ZYG11A: variants seen among roughly 807,000 people sequenced by gnomAD.
The protein encoded by ZYG11A is protein zyg-11 homolog A.
ZYG11A carries 62 observed loss-of-function variants against 77.2 expected under a neutral mutation model. The ratio of observed to expected loss-of-function variants is 0.80; its 90% CI spans 0.65 to 0.99. ZYG11A has a LOEUF of 0.99. Among genes scored for constraint, ZYG11A ranks in the 50% least tolerant of loss-of-function variants. ZYG11A has a pLI of 0.00. For synonymous variants in ZYG11A, 315 were observed against 324.6 expected, an observed-to-expected ratio of 0.97 and a Z score of 0.32; for missense variants, 828 against 896.8, an observed-to-expected ratio of 0.92 and a Z score of 0.98.
intron 4 of ZYG11A, among the ~76,000 whole-genome samples, chr1:52,862,597 C>T (rs1420612509): frequency 6.6e-6 from 1 of 152,104 alleles, no homozygotes; most frequent in Non-Finnish European, 1.5e-5. Context: ...CAGGCGTGAG[C>T]CACTGCGCCC....
intron 1 of ZYG11A, among the ~76,000 whole-genome samples, chr1:52,846,330 A>T (rs1169382058): frequency 0.042 from 405 of 9,572 alleles, 22 homozygotes; most frequent in African/African-American, 0.17. Context: ...ATATATATAT[A>T]TATATATATA....
At chr1:52,886,699 ATTTTTTTTTTT>A (rs386366962) in intron 12 of ZYG11A, among the ~76,000 whole-genome samples, 1,038 of 69,144 alleles carry the variant, frequency 0.015, 22 homozygotes, top group African/African-American at 0.062. Context: ...GGCCCAGCTA[ATTTTTTTTTTT>A]TTTTTTTTTT....
chr1:52,867,674 C>G (rs1392308167), intron 7 of ZYG11A, 36 bp downstream of exon 7: 2 of 1,550,028 alleles, frequency 1.3e-6, no homozygotes, highest in Non-Finnish European at 1.7e-6. Flanking sequence ...GTCTATCTCT[C>G]TAGTTTTTAT....
chr1:52,888,861 G>A (rs960243753), intron 13 of ZYG11A, among the ~76,000 whole-genome samples: 4 of 152,144 alleles, frequency 2.6e-5, no homozygotes, highest in Non-Finnish European at 5.9e-5. Flanking sequence ...TGGTTTTTAG[G>A]AGCTTGCACA....
chr1:52,847,672 T>C (rs1423338108), intron 1 of ZYG11A, among the ~76,000 whole-genome samples: 3 of 150,844 alleles, frequency 2.0e-5, no homozygotes, highest in Non-Finnish European at 4.4e-5. Flanking sequence ...GTACTTTGTT[T>C]TTTTTTTTTT....
At chr1:52,863,332 ATTC>A (rs1299910077) in intron 4 of ZYG11A, among the ~76,000 whole-genome samples, 1 of 151,934 alleles carries the variant, frequency 6.6e-6, no homozygotes, top group Non-Finnish European at 1.5e-5. Context: ...CATTTTTCAA[ATTC>A]TTCTCCTCTG....
intron 1 of ZYG11A, among the ~76,000 whole-genome samples, chr1:52,849,125 G>A (rs749777196): frequency 1.3e-5 from 2 of 151,786 alleles, no homozygotes; most frequent in Admixed American, 6.6e-5. Flanking sequence ...ATGCAGTGGC[G>A]TGATCTCACC....
chr1:52,867,215 C>G (rs563547147), intron 6 of ZYG11A, among the ~76,000 whole-genome samples: 16 of 152,222 alleles, frequency 1.1e-4, no homozygotes, highest in Admixed American at 2.6e-4. Context: ...GTCTACTACT[C>G]AGATTACAAA....
chr1:52,856,077 A>T (rs1245971417), intron 2 of ZYG11A, among the ~76,000 whole-genome samples: 1 of 152,154 alleles, frequency 6.6e-6, no homozygotes, highest in African/African-American at 2.4e-5. Flanking sequence ...CATTCCCATC[A>T]GCAGTGTCCA....
rs1263922913 is a variant in ZYG11A, at chr1:52,867,528, CT to C, written c.1392-10del. ...TATATAATTGTGAGAAAAATAAATA[CT>C]GCTTTTCAGGTTTGATGCTGCCAAG... On this transcript the variant is annotated splice_polypyrimidine_tract_variant and intron_variant, in intron 6 of 13. Transcript: ENST00000371528. The C allele has an allele frequency of 4.6e-6, 7 of 1,529,468 alleles. No individual in the cohort carries two copies. The highest frequency in any genetic ancestry group is 1.4e-5 in the African/African-American group (1 of 72,570). The allele number at this position is 1,529,468 out of a possible 1,614,324, so 94.7% of individuals were successfully genotyped here.
intron 8 of ZYG11A, among the ~76,000 whole-genome samples, chr1:52,874,723 C>T (rs943372182): frequency 2.0e-5 from 3 of 152,004 alleles, no homozygotes; most frequent in African/African-American, 7.2e-5. Context: ...AAAAATTAGC[C>T]GGGTGGGGTG....
chr1:52,845,307 CT>C (rs34851064), intron 1 of ZYG11A, among the ~76,000 whole-genome samples: 70 of 130,814 alleles, frequency 5.4e-4, no homozygotes, highest in Admixed American at 7.3e-4. Context: ...ATGGTCTGTG[CT>C]TTTTTTTTTT....
In ZYG11A at chr1:52,892,844, G is replaced by C; in HGVS notation, c.2167G>C (p.Glu723Gln). The stretch of plus-strand genomic sequence containing the variant: ...ATTGCAGCTTTTGTGTGATATCCAG[G>C]AGCACAGTGAGGCAACCCCCAAAGC... ...EGLQLLCDIQ[E>Q]HSEATPKAQQ... is the part of the protein sequence containing the mutation. Residue 723 changes from glutamate (E) to glutamine (Q), a missense_variant, in exon 14 of 14, where the codon GAG becomes CAG. By Grantham distance (29) the Glu-to-Gln change is conservative (BLOSUM62 2). Coordinates refer to ENST00000371528, the MANE Select transcript of ZYG11A (RefSeq NM_001004339.3). The C allele has an allele frequency of 6.4e-7, 1 of 1,551,636 alleles. No individual in the cohort carries two copies. The highest frequency in any genetic ancestry group is 2.0e-5 in the Admixed American group (1 of 50,980).
At chr1:52,864,214 T>C in intron 5 of ZYG11A, 57 bp downstream of exon 5, 1 of 1,500,208 alleles carries the variant, frequency 6.7e-7, no homozygotes, top group African/African-American at 1.4e-5. Flanking sequence ...TAGTCTCAGC[T>C]CTGTTGCCCA....
At chr1:52,849,115 A>G (rs1645654844) in intron 1 of ZYG11A, among the ~76,000 whole-genome samples, 1 of 151,810 alleles carries the variant, frequency 6.6e-6, no homozygotes, top group Non-Finnish European at 1.5e-5. Context: ...CCCAGCTGGA[A>G]TGCAGTGGCG....
rs1000212812 is a variant in ZYG11A at position 52,894,258 on chromosome 1, T to C, written c.*1301T>C. ...GAAAGATTACATGTAATGATAAATC[T>C]GAATCCCTCCATTTTATTTGGGTGG... On this transcript the variant is annotated 3_prime_UTR_variant, in exon 14 of 14. Coordinates refer to ENST00000371528, the MANE Select transcript of ZYG11A (RefSeq NM_001004339.3). 6.6e-6 allele frequency: 1 copy of C among 152,194 alleles called. No homozygotes were observed. Among genetic ancestry groups the C allele is most frequent in the Non-Finnish European group, 1.5e-5 (1 of 68,038 alleles). 9.4% of individuals were successfully genotyped at this position (152,194 alleles called of 1,614,324 possible). A position where few individuals can be genotyped will look rare whatever the true frequency, so the allele number is the denominator to read the frequency against.
chr1:52,881,769 T>G (rs1476690489), intron 11 of ZYG11A, 104 bp downstream of exon 11: 1 of 967,086 alleles, frequency 1.0e-6, no homozygotes, highest in Admixed American at 3.2e-5. Flanking sequence ...GTGGGAAAAA[T>G]AGAGAAAAAC....
chr1:52,866,309 T>C (rs967695384), intron 5 of ZYG11A, among the ~76,000 whole-genome samples, 194 bp from the exon 6 acceptor site: 3 of 152,120 alleles, frequency 2.0e-5, no homozygotes, highest in Non-Finnish European at 4.4e-5. Context: ...ATTTTTAAAG[T>C]TGGAAAATCC....
chr1:52,857,859 A>C, intron 3 of ZYG11A, 110 bp downstream of exon 3: 1 of 902,758 alleles, frequency 1.1e-6, no homozygotes, highest in Non-Finnish European at 1.6e-6. Flanking sequence ...CAGATAAAAA[A>C]ATCCTTAAAG....
Sources: allele counts gnomAD v4.1 joint callset (sites outside exome capture counted in the v4.1 genomes callset), GRCh38; gene constraint gnomAD v4.1.1; transcripts MANE v1.5; gene names NCBI Gene and HGNC (gene_info 2026-07-23, HGNC 2026-07-21).